The following FCGRT variants were observed in gnomAD, a reference collection of about 807,000 sequenced individuals.
FCGRT encodes the protein IgG receptor FcRn large subunit p51.
In FCGRT, 13 loss-of-function variants were observed where a neutral mutation model predicts 35.7. That is an observed-to-expected ratio of 0.36 (90% confidence interval 0.24 to 0.58). The LOEUF (loss-of-function observed/expected upper bound fraction) is 0.58. Ranked by LOEUF, FCGRT falls within the 20% of genes least tolerant of loss-of-function variation. FCGRT has a pLI of 0.77. For synonymous variants in FCGRT, 233 were observed against 216.5 expected, an observed-to-expected ratio of 1.08 and a Z score of -0.67; for missense variants, 455 against 474.9, an observed-to-expected ratio of 0.96 and a Z score of 0.39.
Position 49,514,059 on chromosome 19 carries a change from G to C in FCGRT, c.251G>C (p.Trp84Ser). 1 of 1,611,474 alleles carries C rather than the reference G, an allele frequency of 6.2e-7. No individual in the cohort carries two copies. Among genetic ancestry groups the C allele is most frequent in the South Asian group, 1.1e-5 (1 of 91,080 alleles). Residue 84 changes from tryptophan (W) to serine (S), a missense_variant, in exon 3 of 7, where the codon TGG becomes TCG. Physicochemically the swap from Trp to Ser is radical, Grantham distance 177. Transcript: ENST00000221466. Reference protein sequence around the residue: ...WVWENQVSWYWEKETTDLRIK... With the variant: ...WVWENQVSWYSEKETTDLRIK... ...TGGGAAAACCAGGTGTCCTGGTATTGGGAGAAAGAGACCACAGATCTGAGG... is the reference window on the plus strand; with the variant it reads ...TGGGAAAACCAGGTGTCCTGGTATTCGGAGAAAGAGACCACAGATCTGAGG...
chr19:49,522,737 C>T (rs929664007), intron 4 of FCGRT, among the ~76,000 whole-genome samples: 7 of 131,106 alleles, frequency 5.3e-5, no homozygotes, highest in Non-Finnish European at 1.1e-4. Flanking sequence ...TGTCCTGAAT[C>T]TATATTTATG....
intron 4 of FCGRT, among the ~76,000 whole-genome samples, chr19:49,515,642 GACTCAAACT>G (rs1343998276): frequency 3.9e-5 from 6 of 152,174 alleles, no homozygotes; most frequent in African/African-American, 1.4e-4. Flanking sequence ...GCCCAGGCCA[GACTCAAACT>G]CCTGGCCTCA....
intron 4 of FCGRT, among the ~76,000 whole-genome samples, chr19:49,515,505 T>C (rs1175145943): frequency 1.3e-5 from 2 of 151,768 alleles, no homozygotes; most frequent in Non-Finnish European, 2.9e-5. Flanking sequence ...GGTCTCAAAC[T>C]CTTGACCTCA....
intron 4 of FCGRT, among the ~76,000 whole-genome samples, chr19:49,523,634 A>G (rs1252008777): frequency 2.6e-5 from 4 of 151,580 alleles, no homozygotes; most frequent in African/African-American, 9.7e-5. Flanking sequence ...GCCCAGGCGG[A>G]TGGATCATGA....
chr19:49,518,068 T>C (rs56370615), intron 4 of FCGRT, among the ~76,000 whole-genome samples: 19,321 of 152,090 alleles, frequency 0.13, 1,648 homozygotes, highest in African/African-American at 0.24. Flanking sequence ...TCAAGTGATC[T>C]GCCCTCCTCA....
intron 5 of FCGRT, chr19:49,525,049 CCTG>C (rs10525267): frequency 2.4e-3 from 1,398 of 581,118 alleles, no homozygotes; most frequent in East Asian, 4.6e-3. Flanking sequence ...CATCTTCCAT[CCTG>C]CTGCTGCTGC....
chr19:49,516,663 T>G (rs1293420585), intron 4 of FCGRT, among the ~76,000 whole-genome samples: 2 of 151,334 alleles, frequency 1.3e-5, no homozygotes, highest in Non-Finnish European at 2.9e-5. Flanking sequence ...TTCAAGCAAT[T>G]CTCCTACCTC....
Position 49,513,882 on chromosome 19 carries a change from A to G in FCGRT, c.74A>G (p.Glu25Gly). 1 of 1,591,702 alleles carries G rather than the reference A, an allele frequency of 6.3e-7. No homozygotes were observed. Among genetic ancestry groups the G allele is most frequent in the Admixed American group, 1.8e-5 (1 of 56,886 alleles). The change falls in exon 3 of 7, where the codon GAA becomes GGA. Residue 25 changes from glutamate (E) to glycine (G), a missense_variant and splice_region_variant. By Grantham distance (98) the Glu-to-Gly change is moderately conservative. Transcript: ENST00000221466. ...LFLLPGSLGAESHLSLLYHLT... is the reference protein window; with the variant it reads ...LFLLPGSLGAGSHLSLLYHLT... Reference sequence around the variant, plus strand: ...CCTTCAGCTCTGTTTCTGTCTGCAGAAAGCCACCTCTCCCTCCTGTACCAC... The same window carrying G: ...CCTTCAGCTCTGTTTCTGTCTGCAGGAAGCCACCTCTCCCTCCTGTACCAC...
chr19:49,519,826 C>CTTTT (rs57437959), intron 4 of FCGRT, among the ~76,000 whole-genome samples: 7 of 116,856 alleles, frequency 6.0e-5, no homozygotes, highest in Admixed American at 8.9e-5. Flanking sequence ...TTGCCTTAAT[C>CTTTT]TTTTTTTTTT....
chr19:49,513,576 C>G (rs1376594738), intron 2 of FCGRT, 103 bp downstream of exon 2: 2 of 598,980 alleles, frequency 3.3e-6, no homozygotes, highest in African/African-American at 3.9e-5. Flanking sequence ...CCCGCGAGCC[C>G]CTGGCGCTGC....
At chr19:49,514,746 T>G (rs1471253894) in intron 4 of FCGRT, among the ~76,000 whole-genome samples, 1 of 147,730 alleles carries the variant, frequency 6.8e-6, no homozygotes, top group African/African-American at 2.5e-5. Flanking sequence ...CAGGCTGGAG[T>G]GTAATGGCGC....
chr19:49,514,565 C>T (rs956643031), intron 4 of FCGRT, 79 bp downstream of exon 4: 4 of 1,325,096 alleles, frequency 3.0e-6, no homozygotes, highest in South Asian at 3.0e-5. Flanking sequence ...CTGCCAGGAC[C>T]CTCCATCAGC....
At chr19:49,517,134 T>C (rs963406486) in intron 4 of FCGRT, among the ~76,000 whole-genome samples, 1 of 151,938 alleles carries the variant, frequency 6.6e-6, no homozygotes, top group South Asian at 2.1e-4. Context: ...GAGGCTGTAG[T>C]GAACTGATTG....
intron 4 of FCGRT, among the ~76,000 whole-genome samples, chr19:49,519,670 C>T (rs2080028787): frequency 6.6e-6 from 1 of 152,048 alleles, no homozygotes; most frequent in African/African-American, 2.4e-5. Context: ...AGAAAACTTT[C>T]TGGGTAGTTG....
In FCGRT at chr19:49,514,083, G is replaced by C; in HGVS notation, c.275G>C (p.Arg92Thr). ...TGGGAGAAAGAGACCACAGATCTGA[G>C]GATCAAGGAGAAGCTCTTTCTGGAA... ...WYWEKETTDL[R>T]IKEKLFLEAF... The change falls in exon 3 of 7, where the codon AGG becomes ACG. Residue 92 changes from arginine to threonine, a missense_variant. By Grantham distance (71) the Arg-to-Thr change is moderately conservative. Coordinates refer to ENST00000221466, the MANE Select transcript of FCGRT (RefSeq NM_001136019.3). The C allele has an allele frequency of 2.5e-6, 4 of 1,611,722 alleles. No individual in the cohort carries two copies. Among genetic ancestry groups the C allele is most frequent in the Non-Finnish European group, 2.5e-6 (3 of 1,179,980 alleles).
chr19:49,514,341 G>A lies in FCGRT; in HGVS notation c.456G>A (p.Gly152=), dbSNP rs1384218624. ...ACCTCAAGCAGGGCACCTGGGGTGG[G>A]GACTGGCCCGAGGCCCTGGCTATCA... ...NFDLKQGTWG[G]DWPEALAISQ... The change falls in exon 4 of 7, where the codon GGG becomes GGA. Residue 152 remains glycine (G), a synonymous_variant. Coordinates refer to ENST00000221466, the MANE Select transcript of FCGRT (RefSeq NM_001136019.3). The A allele has an allele frequency of 6.2e-7, 1 of 1,613,578 alleles. No individual in the cohort carries two copies. The highest frequency in any genetic ancestry group is 8.5e-7 in the Non-Finnish European group (1 of 1,179,850).
intron 4 of FCGRT, among the ~76,000 whole-genome samples, chr19:49,522,975 C>T (rs1188759380): frequency 6.6e-6 from 1 of 151,578 alleles, no homozygotes; most frequent in Non-Finnish European, 1.5e-5. Context: ...GATGGGGTTT[C>T]ACCGTGTTAG....
intron 4 of FCGRT, among the ~76,000 whole-genome samples, chr19:49,518,665 C>A (rs1369349480): frequency 1.3e-5 from 2 of 152,168 alleles, no homozygotes; most frequent in Admixed American, 6.6e-5. Context: ...TCCCAAGTAG[C>A]TGGGATTACA....
rs182492956 is a variant in FCGRT at position 49,516,012 on chromosome 19, C to T, written c.601+1526C>T. On this transcript the variant is annotated intron_variant, in intron 4 of 6. Transcript: ENST00000221466. Reference sequence around the variant, plus strand: ...TCCTCCCCGGAGGCCCCCAGATCCCCACTCATTCAACTGTTGGCCAAGAGC... The same window carrying T: ...TCCTCCCCGGAGGCCCCCAGATCCCTACTCATTCAACTGTTGGCCAAGAGC... The T allele has an allele frequency of 4.6e-5, 16 of 348,202 alleles. No homozygotes were observed. The East Asian group carries it at 1.2e-3, about 26-fold the overall frequency. The allele number at this position is 348,202 out of a possible 1,614,324, so 21.6% of individuals were successfully genotyped here. A position where few individuals can be genotyped will look rare whatever the true frequency, so the allele number is the denominator to read the frequency against.
Sources: gnomAD v4.1 joint callset for allele counts (sites outside exome capture counted in the v4.1 genomes callset) on GRCh38, gnomAD v4.1.1 for gene constraint, MANE v1.5 for transcripts, NCBI Gene and HGNC (gene_info 2026-07-23, HGNC 2026-07-21) for gene names.